MAGI2: variants seen among roughly 807,000 people sequenced by gnomAD.
MAGI2 encodes the protein membrane associated guanylate kinase, WW and PDZ domain containing 2.
In MAGI2, 35 loss-of-function variants were observed where a neutral mutation model predicts 133.3. The ratio of observed to expected loss-of-function variants is 0.26; its 90% confidence interval spans 0.20 to 0.35. The LOEUF is 0.35. Among genes scored for constraint, MAGI2 ranks in the 10% least tolerant of loss-of-function variants. MAGI2 has a pLI of 1.00. For synonymous variants in MAGI2, 729 were observed against 710.6 expected (o/e 1.03, Z -0.41); for missense variants, 1,636 against 1,863.4 (o/e 0.88, Z 2.25).
Position 78,673,421 on chromosome 7 carries a change from GCCAAGTACCAAGTACTTGGTCACAGT to G in MAGI2, c.419-46208_419-46183del, listed in dbSNP as rs1814629577. Reference sequence around the variant, plus strand: ...GTCAGCAAGCTTGAGACCCAGGACAGCCAAGTACCAAGTACTTGGTCACAGTCCAAGTACCAACACCTGAGAACCAG... The same window carrying G: ...GTCAGCAAGCTTGAGACCCAGGACAGCCAAGTACCAACACCTGAGAACCAG... On this transcript the variant is annotated intron_variant, in intron 2 of 21. Transcript: ENST00000354212. 4.6e-5 allele frequency among the ~76,000 whole-genome samples: 7 copies of G among 151,966 alleles called. No individual in the cohort carries two copies. The South Asian group carries it at 1.5e-3, about 32-fold the overall frequency.
At chr7:78,054,597 T>C (rs1207045542) in intron 21 of MAGI2, among the ~76,000 whole-genome samples, 1 of 152,004 alleles carries the variant, frequency 6.6e-6, no homozygotes. Flanking sequence ...TACTTTTTTT[T>C]TTTTTTCCTG....
chr7:79,010,326 T>G (rs969619520), intron 1 of MAGI2, among the ~76,000 whole-genome samples: 1 of 152,082 alleles, frequency 6.6e-6, no homozygotes, highest in African/African-American at 2.4e-5. Context: ...AAGGCATATT[T>G]ATCCTCAATT....
chr7:79,186,568 G>C (rs890436346), intron 1 of MAGI2, among the ~76,000 whole-genome samples: 8 of 148,940 alleles, frequency 5.4e-5, no homozygotes, highest in African/African-American at 1.7e-4. Context: ...GGACTGTTTG[G>C]GATTGCCACT....
intron 2 of MAGI2, among the ~76,000 whole-genome samples, chr7:78,923,618 C>T (rs919416794): frequency 1.3e-5 from 2 of 152,138 alleles, no homozygotes; most frequent in Non-Finnish European, 2.9e-5. Context: ...AGTTTGAAGT[C>T]AGGTAGCGTG....
chr7:79,241,811 C>G (rs747428261), intron 1 of MAGI2, among the ~76,000 whole-genome samples: 1 of 152,136 alleles, frequency 6.6e-6, no homozygotes, highest in Non-Finnish European at 1.5e-5. Context: ...GTGTTTCAAA[C>G]CTTTGCATTC....
At chr7:78,427,772 C>T (rs534732972) in intron 6 of MAGI2, among the ~76,000 whole-genome samples, 13 of 151,962 alleles carry the variant, frequency 8.6e-5, no homozygotes, top group Non-Finnish European at 1.9e-4. Context: ...AAATTATATC[C>T]TATTTCCAAT....
intron 6 of MAGI2, among the ~76,000 whole-genome samples, chr7:78,448,093 C>G (rs1788339894): frequency 6.6e-6 from 1 of 152,036 alleles, no homozygotes; most frequent in Admixed American, 6.6e-5. Flanking sequence ...CTGCAAATGA[C>G]AGGATTTCCT....
At chr7:79,119,435 C>T (rs961308710) in intron 1 of MAGI2, among the ~76,000 whole-genome samples, 1 of 152,076 alleles carries the variant, frequency 6.6e-6, no homozygotes, top group East Asian at 1.9e-4. Flanking sequence ...TTTGCCTGAA[C>T]AATCTGGCCG....
intron 2 of MAGI2, among the ~76,000 whole-genome samples, chr7:78,855,140 G>T (rs755482110): frequency 6.6e-6 from 1 of 152,040 alleles, no homozygotes; most frequent in Non-Finnish European, 1.5e-5. Context: ...TGTCACCCTG[G>T]CTGAAGTGCA....
intron 2 of MAGI2, among the ~76,000 whole-genome samples, chr7:78,725,384 C>T (rs2151210171): frequency 6.6e-6 from 1 of 152,354 alleles, no homozygotes; most frequent in South Asian, 2.1e-4. Context: ...TGTTTCCTTT[C>T]TAAACCTTCC....
chr7:78,991,913 T>C (rs902541939), intron 2 of MAGI2, among the ~76,000 whole-genome samples: 1 of 152,090 alleles, frequency 6.6e-6, no homozygotes, highest in South Asian at 2.1e-4. Context: ...ATTGCCACAA[T>C]ATTTTTCCTT....
intron 3 of MAGI2, among the ~76,000 whole-genome samples, chr7:78,586,861 A>C (rs1438986133): frequency 6.6e-6 from 1 of 152,230 alleles, no homozygotes; most frequent in Non-Finnish European, 1.5e-5. Flanking sequence ...TTCACTAAGT[A>C]TAATGTCTTC....
chr7:78,681,802 A>G (rs1815693822), intron 2 of MAGI2, among the ~76,000 whole-genome samples: 1 of 152,156 alleles, frequency 6.6e-6, no homozygotes, highest in Non-Finnish European at 1.5e-5. Context: ...CAGAGAGACT[A>G]GAGTCAGGGA....
chr7:79,335,194 C>G (rs1427299077), intron 1 of MAGI2, among the ~76,000 whole-genome samples: 1 of 152,040 alleles, frequency 6.6e-6, no homozygotes, highest in Non-Finnish European at 1.5e-5. Context: ...CATAAATCAC[C>G]TTTTCTTAAC....
At chr7:78,490,871 G>A (rs1793540764) in intron 5 of MAGI2, among the ~76,000 whole-genome samples, 1 of 152,068 alleles carries the variant, frequency 6.6e-6, no homozygotes, top group African/African-American at 2.4e-5. Flanking sequence ...GGAAAAGAAT[G>A]AGCAAAGGCA....
At chr7:78,467,316 G>C (rs1400338912) in intron 6 of MAGI2, among the ~76,000 whole-genome samples, 2 of 152,138 alleles carry the variant, frequency 1.3e-5, no homozygotes, top group East Asian at 3.9e-4. Context: ...GTAATCCTAA[G>C]AGATGCCCCT....
chr7:79,319,074 C>T (rs867620497), intron 1 of MAGI2, among the ~76,000 whole-genome samples: 16 of 152,258 alleles, frequency 1.1e-4, no homozygotes, highest in African/African-American at 3.6e-4. Context: ...GGTATCTCAG[C>T]GTCTGCAGTC....
At chr7:78,281,158 T>TTCTCCAGCACTTA (rs1365822938) in intron 9 of MAGI2, among the ~76,000 whole-genome samples, 18 of 152,134 alleles carry the variant, frequency 1.2e-4, no homozygotes, top group Non-Finnish European at 2.4e-4. Flanking sequence ...CCTGATCCAT[T>TTCTCCAGCACTTA]TCTCCAGCAC....
Position 78,434,751 on chromosome 7 carries a change from A to C in MAGI2, c.1045+55010T>G, listed in dbSNP as rs10253243. On this transcript the variant is annotated intron_variant, in intron 6 of 21. Coordinates refer to ENST00000354212, the MANE Select transcript of MAGI2 (RefSeq NM_012301.4). ...AAAACTGAAAATATTGGAGATATAG[A>C]AAAATTGGGGAAATGAATGGAAGTA... Among the ~76,000 whole-genome samples, 1,024 of 152,274 alleles carry C rather than the reference A, an allele frequency of 6.7e-3. 16 individuals are homozygous for C. The highest frequency in any genetic ancestry group is 0.023 in the African/African-American group (951 of 41,550).
Sources: gnomAD v4.1 joint callset for allele counts (sites outside exome capture counted in the v4.1 genomes callset) on GRCh38, gnomAD v4.1.1 for gene constraint, MANE v1.5 for transcripts, NCBI Gene and HGNC (gene_info 2026-07-23, HGNC 2026-07-21) for gene names.